Variants in INHBA observed in about 807,000 individuals in gnomAD.
INHBA encodes the protein inhibin subunit beta A, also known as inhibin beta A chain.
INHBA carries 1 observed loss-of-function variant against 29.0 expected under a neutral mutation model. The ratio of observed to expected loss-of-function variants is 0.03; its 90% CI spans 0.01 to 0.16. INHBA has a LOEUF of 0.16. INHBA is among the 10% of genes least tolerant of loss of function. The probability of loss-of-function intolerance (pLI) is 1.00; values close to 1 mark genes in which losing one functional copy is unlikely to be tolerated. For missense variants in INHBA, 376 were observed against 545.4 expected, an observed-to-expected ratio of 0.69 and a Z score of 3.09; for synonymous variants, 242 against 216.8, an observed-to-expected ratio of 1.12 and a Z score of -1.02.
At chr7:41,701,373 CA>C in intron 1 of INHBA, among the ~76,000 whole-genome samples, 1 of 152,208 alleles carries the variant, frequency 6.6e-6, no homozygotes, top group Middle Eastern at 3.4e-3. Context: ...TGATGGGATC[CA>C]GGGGAGATGG....
rs751423099 is a variant in INHBA at position 41,689,805 on chromosome 7, A to G, written c.1126T>C (p.Tyr376His). Residue 376 changes from tyrosine (Y) to histidine (H), a missense_variant, in exon 3 of 3, where the codon TAC becomes CAC. This residue lies in a region of INHBA where 50 missense variants were observed against 137.9 expected (regional missense o/e 0.36). Transcript: ENST00000242208. Reference sequence around the variant, plus strand: ...AAGGGGCTATGGCCCCGCATGCGGTAGTGGTTGATGACTGTTGAGTGGAAG... The same window carrying G: ...AAGGGGCTATGGCCCCGCATGCGGTGGTGGTTGATGACTGTTGAGTGGAAG... ...LSFHSTVINHYRMRGHSPFAN... is the reference protein window; with the variant it reads ...LSFHSTVINHHRMRGHSPFAN... 6.2e-7 allele frequency: 1 copy of G among 1,613,962 alleles called. No individual in the cohort carries two copies.
chr7:41,699,010 C>T (rs1195592407), intron 2 of INHBA, among the ~76,000 whole-genome samples: 21 of 152,182 alleles, frequency 1.4e-4, no homozygotes, highest in Admixed American at 7.2e-4. Context: ...CATCTGTGTG[C>T]CTGACGTGCA....
At chr7:41,699,941 T>TG in intron 2 of INHBA, 46 bp downstream of exon 2, 7 of 118,742 alleles carry the variant, frequency 5.9e-5, no homozygotes, top group South Asian at 2.0e-4. Flanking sequence ...TATTTTACCC[T>TG]CCCACCCCCC....
intron 2 of INHBA, among the ~76,000 whole-genome samples, chr7:41,697,855 G>A (rs1305415286): frequency 6.6e-6 from 1 of 152,144 alleles, no homozygotes; most frequent in Non-Finnish European, 1.5e-5. Flanking sequence ...TTGAAGAGTA[G>A]ACAGTCCATA....
At chr7:41,695,715 T>C (rs1158447675) in intron 2 of INHBA, among the ~76,000 whole-genome samples, 1 of 152,198 alleles carries the variant, frequency 6.6e-6, no homozygotes, top group East Asian at 1.9e-4. Context: ...GGGTTTTAGG[T>C]TCCTACAAGT....
chr7:41,690,517 G>T lies in INHBA; in HGVS notation c.414C>A (p.Phe138Leu). Residue 138 changes from phenylalanine (F) to leucine (L), a missense_variant, in exon 3 of 3, where the codon TTC becomes TTA. Phe to Leu is a conservative substitution (Grantham distance 22). Transcript: ENST00000242208. ...GGTCACTGCCTTCCTTGGAAATCTC[G>T]AAGTGCAGCGTCTTCCTGGCTGTTC... ...ESGTARKTLH[F>L]EISKEGSDLS... 1 of 1,607,910 alleles carries T rather than the reference G, an allele frequency of 6.2e-7. No individual in the cohort carries two copies.
rs1794470313 is a variant in INHBA at position 41,690,231 on chromosome 7, C to G, written c.700G>C (p.Gly234Arg). 1.2e-6 allele frequency: 2 copies of G among 1,613,872 alleles called. No homozygotes were observed. Among genetic ancestry groups the G allele is most frequent in the Admixed American group, 1.7e-5 (1 of 59,988 alleles). The change falls in exon 3 of 3, where the codon GGC (glycine) becomes CGC (arginine). Residue 234 changes from glycine to arginine, a missense_variant. Gly to Arg is a moderately radical substitution (Grantham distance 125). Transcript: ENST00000242208. ...ATCCGAACGTCCAGGGAGCTCTTGC[C>G]CTGGTCCAGCAACCGCTGGATGCTG... The part of the protein sequence containing the change: ...SSSIQRLLDQ[G>R]KSSLDVRIAC...
upstream of INHBA, among the ~76,000 whole-genome samples, chr7:41,703,373 C>T (rs1288776967): frequency 6.6e-6 from 1 of 152,138 alleles, no homozygotes; most frequent in Non-Finnish European, 1.5e-5. Context: ...ATGAGTGTGT[C>T]CAACTTTCAA....
intron 1 of INHBA, among the ~76,000 whole-genome samples, chr7:41,701,307 C>G (rs1039879758): frequency 1.3e-5 from 2 of 152,050 alleles, no homozygotes; most frequent in African/African-American, 4.8e-5. Flanking sequence ...GTCCAGTGGA[C>G]AGGTAGTGGA....
intron 2 of INHBA, among the ~76,000 whole-genome samples, chr7:41,694,586 A>G (rs1379378803): frequency 6.6e-6 from 1 of 152,212 alleles, no homozygotes; most frequent in African/African-American, 2.4e-5. Flanking sequence ...AGCTAACCAG[A>G]TATAGCTGGT....
In INHBA at chr7:41,685,341, C is replaced by T. The variant is rs1278180255; in HGVS notation, c.*4309G>A. ...AATAAAAAAATTACCAGTACTTCTA[C>T]ACAATAAATATTAAGAAACCATTGA... On this transcript the variant is annotated 3_prime_UTR_variant, in exon 3 of 3. Coordinates refer to ENST00000242208, the MANE Select transcript of INHBA (RefSeq NM_002192.4). 4 of 152,154 alleles carry T rather than the reference C, an allele frequency of 2.6e-5. No individual in the cohort carries two copies. The East Asian group carries it at 7.7e-4, about 29-fold the overall frequency. The allele number at this position is 152,154 out of a possible 1,614,324, so 9.4% of individuals were successfully genotyped here. A position where few individuals can be genotyped will look rare whatever the true frequency, so the allele number is the denominator to read the frequency against.
rs986049791 is a variant in INHBA, at chr7:41,685,128, G to A, written c.*4522C>T. 1.3e-5 allele frequency: 2 copies of A among 151,986 alleles called. No individual in the cohort carries two copies. Among genetic ancestry groups the A allele is most frequent in the South Asian group, 2.1e-4 (1 of 4,826 alleles). 9.4% of individuals were successfully genotyped at this position (151,986 alleles called of 1,614,324 possible). ...AAAATAAAAAATACATCCCAAACAGGTCTTTTTATTTAACATAAGGCCAAA... is the reference window on the plus strand; with the variant it reads ...AAAATAAAAAATACATCCCAAACAGATCTTTTTATTTAACATAAGGCCAAA... On this transcript the variant is annotated 3_prime_UTR_variant, in exon 3 of 3. Transcript: ENST00000242208.
At position 41,686,034 on chromosome 7, in the gene INHBA, T is replaced by A. The variant is rs539136747; in HGVS notation, c.*3616A>T. Reference sequence around the variant, plus strand: ...GAGACATATTTGTTCTCTGTTTTTTTAGAGTCACCTCTTAAAGTCCAATCC... The same window carrying A: ...GAGACATATTTGTTCTCTGTTTTTTAAGAGTCACCTCTTAAAGTCCAATCC... On this transcript the variant is annotated 3_prime_UTR_variant, in exon 3 of 3. Transcript: ENST00000242208. 3 of 152,256 alleles carry A rather than the reference T, an allele frequency of 2.0e-5. No homozygotes were observed. The highest frequency in any genetic ancestry group is 1.3e-4 in the Admixed American group (2 of 15,286). 9.4% of individuals were successfully genotyped at this position (152,256 alleles called of 1,614,324 possible).
rs1350747861 is a variant in INHBA, at chr7:41,688,923, C to T, written c.*727G>A. The T allele has an allele frequency of 8.7e-6, 2 of 230,188 alleles. No individual in the cohort carries two copies. Among genetic ancestry groups the T allele is most frequent in the East Asian group, 1.2e-4 (2 of 16,298 alleles). The allele number at this position is 230,188 out of a possible 1,614,324, so 14.3% of individuals were successfully genotyped here. A position where few individuals can be genotyped will look rare whatever the true frequency, so the allele number is the denominator to read the frequency against. On this transcript the variant is annotated 3_prime_UTR_variant, in exon 3 of 3. Coordinates refer to ENST00000242208, the MANE Select transcript of INHBA (RefSeq NM_002192.4). ...AGTTCTAAGATCATAAGCACCTTAA[C>T]GAAATGTAACTTGGTATTCTTTTTT...
chr7:41,690,644 A>T (rs1794481242), intron 2 of INHBA, 102 bp from the exon 3 acceptor site: 5 of 1,399,210 alleles, frequency 3.6e-6, no homozygotes, highest in Non-Finnish European at 4.7e-6. Flanking sequence ...TCTGTGACAG[A>T]CCCTCTTGAA....
chr7:41,698,492 A>G (rs775695134), intron 2 of INHBA, among the ~76,000 whole-genome samples: 6 of 151,464 alleles, frequency 4.0e-5, no homozygotes, highest in African/African-American at 7.3e-5. Flanking sequence ...AAAAGTTGAG[A>G]AAAAAAAATG....
chr7:41,701,721 T>G (rs1794800999), intron 1 of INHBA, among the ~76,000 whole-genome samples: 1 of 152,180 alleles, frequency 6.6e-6, no homozygotes, highest in Non-Finnish European at 1.5e-5. Flanking sequence ...AAGAGTGCAC[T>G]CGTATGACTT....
At position 41,690,549 on chromosome 7, in the gene INHBA, A is replaced by T; in HGVS notation, c.389-7T>A. On this transcript the variant is annotated splice_region_variant and splice_polypyrimidine_tract_variant and intron_variant, in intron 2 of 2. Transcript: ENST00000242208. ...AGCGTCTTCCTGGCTGTTCCTGAAG[A>T]TGAAAGACAGCATAAGAGAAAACAG... 1 of 1,581,428 alleles carries T rather than the reference A, an allele frequency of 6.3e-7. No homozygotes were observed. Among genetic ancestry groups the T allele is most frequent in the Non-Finnish European group, 8.6e-7 (1 of 1,167,484 alleles).
chr7:41,692,968 C>T (rs902121109), intron 2 of INHBA, among the ~76,000 whole-genome samples: 1 of 152,186 alleles, frequency 6.6e-6, no homozygotes, highest in Non-Finnish European at 1.5e-5. Context: ...AGGGAAACCT[C>T]CCAAGCCTTG....
Sources: allele counts gnomAD v4.1 joint callset (sites outside exome capture counted in the v4.1 genomes callset), GRCh38; gene constraint gnomAD v4.1.1; regional missense constraint gnomAD v4.1.1; transcripts MANE v1.5; gene names NCBI Gene and HGNC (gene_info 2026-07-23, HGNC 2026-07-21).